BET1: variants seen among roughly 807,000 people sequenced by gnomAD.
BET1 encodes Bet1 golgi vesicular membrane trafficking protein.
A neutral mutation model predicts 13.9 loss-of-function variants in BET1; 9 were observed. The ratio of observed to expected loss-of-function variants is 0.65; its 90% CI spans 0.39 to 1.13. BET1 has a LOEUF of 1.13. BET1 is among the 50% of genes most tolerant of loss of function. The pLI is 0.01. For synonymous variants in BET1, 39 were observed against 47.3 expected (o/e 0.82, Z 0.72); for missense variants, 127 against 133.6 (o/e 0.95, Z 0.24).
chr7:93,990,776 TA>T (rs1440708500), downstream of BET1, among the ~76,000 whole-genome samples: 1 of 152,140 alleles, frequency 6.6e-6, no homozygotes, highest in Non-Finnish European at 1.5e-5. Context: ...CTTCAGCTAC[TA>T]ATGTTATAAA....
intron 6 of BET1, among the ~76,000 whole-genome samples, chr7:93,969,974 T>A (rs963617564): frequency 6.6e-6 from 1 of 151,834 alleles, no homozygotes; most frequent in Admixed American, 6.6e-5. Context: ...TATTTATTAA[T>A]TTGATGAATT....
At chr7:93,972,468 T>A (rs1795272285) in intron 6 of BET1, 1 of 151,886 alleles carries the variant, frequency 6.6e-6, no homozygotes, top group South Asian at 2.1e-4. Context: ...GCCAGAGAGA[T>A]TAAGTGACTT....
chr7:93,990,630 T>C (rs1336640438), downstream of BET1, among the ~76,000 whole-genome samples: 1 of 152,156 alleles, frequency 6.6e-6, no homozygotes, highest in African/African-American at 2.4e-5. Flanking sequence ...CTTTACATAA[T>C]TGTATAATTA....
At chr7:93,986,425 C>T (rs1584135891) in intron 4 of BET1, among the ~76,000 whole-genome samples, 1 of 152,262 alleles carries the variant, frequency 6.6e-6, no homozygotes, top group African/African-American at 2.4e-5. Flanking sequence ...CTCTGATTCC[C>T]TTATATCAGC....
downstream of BET1, chr7:93,991,756 C>T (rs1229647371): frequency 1.1e-6 from 1 of 945,730 alleles, no homozygotes; most frequent in Non-Finnish European, 1.3e-6. Flanking sequence ...TTGGTCTTAG[C>T]CACAATGCTA....
chr7:93,984,508 T>C (rs1318804777), intron 4 of BET1, among the ~76,000 whole-genome samples: 1 of 152,126 alleles, frequency 6.6e-6, no homozygotes, highest in Non-Finnish European at 1.5e-5. Context: ...TGAAATTCCT[T>C]CTACTGAAGA....
chr7:94,003,204 G>A (rs1584151594), intron 1 of BET1, among the ~76,000 whole-genome samples: 1 of 147,976 alleles, frequency 6.8e-6, no homozygotes, highest in Non-Finnish European at 1.5e-5. Flanking sequence ...CAATTTACCT[G>A]GCCCCATTTT....
chr7:93,990,246 T>A (rs1345059834), downstream of BET1, among the ~76,000 whole-genome samples: 1 of 152,060 alleles, frequency 6.6e-6, no homozygotes, highest in Non-Finnish European at 1.5e-5. Context: ...CATGTTCTAC[T>A]TTCCTTAAAA....
At position 93,997,260 on chromosome 7, in the gene BET1, A is replaced by C. The variant is rs1584145435; in HGVS notation, c.145-939T>G. Among the ~76,000 whole-genome samples the C allele has an allele frequency of 2.0e-5, 3 of 152,322 alleles. No individual in the cohort carries two copies. The South Asian group carries it at 6.2e-4, about 32-fold the overall frequency. On this transcript the variant is annotated intron_variant, in intron 2 of 3. Coordinates refer to ENST00000222547, the MANE Select transcript of BET1 (RefSeq NM_005868.6). ...TGAAAGCACATGGGATAATACTGATACAAAACCATACTAGAATTCTATAGA... is the reference window on the plus strand; with the variant it reads ...TGAAAGCACATGGGATAATACTGATCCAAAACCATACTAGAATTCTATAGA...
downstream of BET1, chr7:93,993,024 CA>C (rs1795670701): frequency 1.0e-6 from 1 of 983,660 alleles, no homozygotes; most frequent in Non-Finnish European, 1.2e-6. Context: ...TAGGGATGAA[CA>C]AAAAGAATTG....
exon 7 of BET1, chr7:93,963,310 C>G (rs1795126616): frequency 6.6e-6 from 1 of 151,910 alleles, no homozygotes; most frequent in Non-Finnish European, 1.5e-5. Flanking sequence ...TATAAATTAC[C>G]CAGTCTCAGG....
In BET1 at chr7:94,004,240, G is replaced by A. The variant is rs1212317511; in HGVS notation, c.-24C>T. The stretch of plus-strand genomic sequence containing the variant: ...ATCCTGCCAGAGGAGAGAGAGAAAA[G>A]GCGGGTGCGGGGCTTTGGGTGAGTA... On this transcript the variant is annotated 5_prime_UTR_variant, in exon 1 of 4. Coordinates refer to ENST00000222547, the MANE Select transcript of BET1 (RefSeq NM_005868.6). 1 of 1,613,980 alleles carries A rather than the reference G, an allele frequency of 6.2e-7. No individual in the cohort carries two copies. Among genetic ancestry groups the A allele is most frequent in the Non-Finnish European group, 8.5e-7 (1 of 1,180,004 alleles).
intron 5 of BET1, among the ~76,000 whole-genome samples, chr7:93,975,455 A>G (rs914850598): frequency 6.6e-6 from 1 of 152,074 alleles, no homozygotes; most frequent in Non-Finnish European, 1.5e-5. Flanking sequence ...AATCTCTACA[A>G]TGAGCATGTG....
chr7:93,968,653 T>G (rs987201057), intron 6 of BET1, among the ~76,000 whole-genome samples: 1 of 151,796 alleles, frequency 6.6e-6, no homozygotes, highest in African/African-American at 2.4e-5. Flanking sequence ...CCTGCTAAGT[T>G]GCAGAACTGG....
chr7:93,974,659 G>A (rs917343967), intron 5 of BET1, among the ~76,000 whole-genome samples: 1 of 151,910 alleles, frequency 6.6e-6, no homozygotes, highest in Admixed American at 6.6e-5. Flanking sequence ...TAGGAGAAGA[G>A]GCAGCTCTTC....
At chr7:93,995,412 A>G (rs923996321) in intron 3 of BET1, among the ~76,000 whole-genome samples, 1 of 152,228 alleles carries the variant, frequency 6.6e-6, no homozygotes, top group Non-Finnish European at 1.5e-5. Context: ...TATCCTTTGT[A>G]TAGCTCAGTG....
intron 4 of BET1, among the ~76,000 whole-genome samples, chr7:93,984,366 A>G (rs1795486386): frequency 1.3e-5 from 2 of 152,162 alleles, no homozygotes; most frequent in African/African-American, 4.8e-5. Flanking sequence ...CTGGGTGTAC[A>G]TGAATCTTTA....
chr7:94,002,893 C>T (rs1795941721), intron 1 of BET1, among the ~76,000 whole-genome samples: 1 of 152,234 alleles, frequency 6.6e-6, no homozygotes, highest in African/African-American at 2.4e-5. Context: ...CAAAGATCTT[C>T]CCCACAAAGT....
rs1795683636 is a variant in BET1 at position 93,993,432 on chromosome 7, G to A, written c.*798C>T. ...ACTCTTATCTTCAAGTTCAATGCCT[G>A]AGTTTCTTGCATACTATTTCCATTT... is the stretch of plus-strand genomic sequence containing the variant. On this transcript the variant is annotated 3_prime_UTR_variant, in exon 4 of 4. Transcript: ENST00000222547. 1.0e-6 allele frequency: 1 copy of A among 983,584 alleles called. No homozygotes were observed. The highest frequency in any genetic ancestry group is 1.2e-6 in the Non-Finnish European group (1 of 827,894). The allele number at this position is 983,584 out of a possible 1,614,324, so 60.9% of individuals were successfully genotyped here. A position where few individuals can be genotyped will look rare whatever the true frequency, so the allele number is the denominator to read the frequency against.
Sources: gnomAD v4.1 joint callset for allele counts (sites outside exome capture counted in the v4.1 genomes callset) on GRCh38, gnomAD v4.1.1 for gene constraint, MANE v1.5 for transcripts, NCBI Gene and HGNC (gene_info 2026-07-23, HGNC 2026-07-21) for gene names.